The following ADAMTS17 variants were observed in gnomAD, a reference collection of about 807,000 sequenced individuals.
The protein encoded by ADAMTS17 is ADAM metallopeptidase with thrombospondin type 1 motif 17.
In ADAMTS17, 113 loss-of-function variants were observed where a neutral mutation model predicts 141.5. That is an observed-to-expected ratio of 0.80 (90% confidence interval 0.69 to 0.93). The LOEUF is 0.93. Ranked by LOEUF, ADAMTS17 falls within the 40% of genes least tolerant of loss-of-function variation. ADAMTS17 has a pLI of 0.00. For synonymous variants in ADAMTS17, 768 were observed against 630.6 expected (o/e 1.22, Z -3.27); for missense variants, 1,659 against 1,517.9 (o/e 1.09, Z -1.54).
intron 15 of ADAMTS17, among the ~76,000 whole-genome samples, chr15:100,095,718 C>T (rs992678340): frequency 6.6e-6 from 1 of 152,058 alleles, no homozygotes; most frequent in Admixed American, 6.5e-5. Flanking sequence ...GACAGGAGAT[C>T]AGAAAGTTGT....
intron 8 of ADAMTS17, among the ~76,000 whole-genome samples, chr15:100,191,180 T>C (rs2040903499): frequency 6.6e-6 from 1 of 152,212 alleles, no homozygotes; most frequent in African/African-American, 2.4e-5. Context: ...GATGACATTA[T>C]TTTAGGCAAG....
intron 8 of ADAMTS17, among the ~76,000 whole-genome samples, chr15:100,159,378 T>C (rs992225480): frequency 2.0e-5 from 3 of 152,260 alleles, no homozygotes; most frequent in Non-Finnish European, 2.9e-5. Flanking sequence ...TTCTACCTGG[T>C]AGCTTTTTCT....
At chr15:100,018,300 C>A (rs1485274144) in intron 18 of ADAMTS17, among the ~76,000 whole-genome samples, 2 of 151,906 alleles carry the variant, frequency 1.3e-5, no homozygotes, top group Admixed American at 1.3e-4. Context: ...ATTGCCTAAT[C>A]AGATAATGGG....
chr15:100,076,800 T>A (rs561602108), intron 15 of ADAMTS17, among the ~76,000 whole-genome samples: 1 of 152,214 alleles, frequency 6.6e-6, no homozygotes, highest in Non-Finnish European at 1.5e-5. Flanking sequence ...AAACATAGCA[T>A]AGTATTTTCA....
At chr15:100,241,517 C>T (rs1308799937) in intron 7 of ADAMTS17, among the ~76,000 whole-genome samples, 1 of 152,254 alleles carries the variant, frequency 6.6e-6, no homozygotes, top group Non-Finnish European at 1.5e-5. Context: ...CACTTTACTT[C>T]TCACTCATGT....
chr15:100,312,837 TG>T (rs143199920), intron 3 of ADAMTS17, among the ~76,000 whole-genome samples: 6,334 of 152,304 alleles, frequency 0.042, 198 homozygotes, highest in Non-Finnish European at 0.059. Context: ...CCAAAGGCCC[TG>T]TGACCTAGGG....
chr15:99,982,512 G>T (rs1394751829), intron 20 of ADAMTS17, among the ~76,000 whole-genome samples: 1 of 152,222 alleles, frequency 6.6e-6, no homozygotes, highest in Non-Finnish European at 1.5e-5. Context: ...GGCGCACGGG[G>T]TGAATTCCTT....
At chr15:100,082,470 C>A (rs1346798764) in intron 15 of ADAMTS17, among the ~76,000 whole-genome samples, 1 of 151,686 alleles carries the variant, frequency 6.6e-6, no homozygotes, top group Non-Finnish European at 1.5e-5. Flanking sequence ...AACCTCTGCA[C>A]CCCCACCCCA....
chr15:100,334,591 C>T (rs1428136392), intron 2 of ADAMTS17, among the ~76,000 whole-genome samples: 2 of 152,152 alleles, frequency 1.3e-5, no homozygotes, highest in Non-Finnish European at 2.9e-5. Context: ...CCCGTCCTGC[C>T]CCCCGACTCT....
chr15:100,109,035 G>A lies in ADAMTS17; in HGVS notation c.1970C>T (p.Pro657Leu), dbSNP rs1337982385. Residue 657 changes from proline (P) to leucine (L), a missense_variant, in exon 14 of 22, where the codon CCC (proline) becomes CTC (leucine). Pro to Leu is a moderately conservative substitution (Grantham distance 98). Coordinates refer to ENST00000268070, the MANE Select transcript of ADAMTS17 (RefSeq NM_139057.4). ...GAGATCAGTCTCGTAGGGCCCGCAGGGTGTACCGTCCAGGACCCTGTCGGC... is the reference window on the plus strand; with the variant it reads ...GAGATCAGTCTCGTAGGGCCCGCAGAGTGTACCGTCCAGGACCCTGTCGGC... The part of the protein sequence containing the change: ...LVADRVLDGT[P>L]CGPYETDLCV... 1.2e-6 allele frequency: 2 copies of A among 1,614,002 alleles called. No homozygotes were observed. Among genetic ancestry groups the A allele is most frequent in the East Asian group, 2.2e-5 (1 of 44,876 alleles).
chr15:100,010,404 T>C (rs1000622135), intron 18 of ADAMTS17, among the ~76,000 whole-genome samples: 19 of 152,182 alleles, frequency 1.2e-4, no homozygotes, highest in Admixed American at 1.1e-3. Flanking sequence ...CCCTTCCTTC[T>C]CTCCGTGGTG....
At chr15:100,238,769 C>T (rs898786969) in intron 7 of ADAMTS17, among the ~76,000 whole-genome samples, 5 of 152,220 alleles carry the variant, frequency 3.3e-5, no homozygotes, top group East Asian at 1.9e-4. Flanking sequence ...GGAATAATGA[C>T]GCCTCACTTA....
At chr15:100,004,134 G>C (rs2060985826) in intron 18 of ADAMTS17, among the ~76,000 whole-genome samples, 1 of 152,248 alleles carries the variant, frequency 6.6e-6, no homozygotes, top group Non-Finnish European at 1.5e-5. Context: ...GCAGCCGAAG[G>C]GGAGAGCAGA....
intron 15 of ADAMTS17, among the ~76,000 whole-genome samples, chr15:100,060,558 T>G (rs2033037316): frequency 6.6e-6 from 1 of 152,230 alleles, no homozygotes; most frequent in Non-Finnish European, 1.5e-5. Flanking sequence ...CCTGTCCACA[T>G]GCCCCTCTCT....
chr15:100,196,137 G>A (rs2041106551), intron 8 of ADAMTS17, among the ~76,000 whole-genome samples: 1 of 152,148 alleles, frequency 6.6e-6, no homozygotes, highest in Non-Finnish European at 1.5e-5. Context: ...CATTACCATG[G>A]CAAGAACTTT....
At chr15:100,051,974 A>G (rs775811327) in intron 16 of ADAMTS17, among the ~76,000 whole-genome samples, 8 of 152,198 alleles carry the variant, frequency 5.3e-5, no homozygotes, top group Non-Finnish European at 1.2e-4. Context: ...TTTCCTACCC[A>G]AGAGAGAGAC....
chr15:100,030,179 C>G (rs189879321), intron 18 of ADAMTS17, among the ~76,000 whole-genome samples: 6 of 152,170 alleles, frequency 3.9e-5, no homozygotes, highest in African/African-American at 1.4e-4. Flanking sequence ...GCTCTCTCCC[C>G]CTGGCCAGGG....
intron 7 of ADAMTS17, 27 bp downstream of exon 7, chr15:100,254,109 A>C (rs760269683): frequency 1.4e-5 from 22 of 1,606,910 alleles, no homozygotes; most frequent in Non-Finnish European, 1.8e-5. Context: ...TCAGCCCCTT[A>C]GATTATTATT....
Position 100,163,880 on chromosome 15 carries a change from C to T in ADAMTS17, c.1182-8560G>A, listed in dbSNP as rs896233575. Among the ~76,000 whole-genome samples, 4 of 152,188 alleles carry T rather than the reference C, an allele frequency of 2.6e-5. No homozygotes were observed. In the South Asian group the frequency reaches 8.3e-4, roughly 31 times the overall value. On this transcript the variant is annotated intron_variant, in intron 8 of 21. Coordinates refer to ENST00000268070, the MANE Select transcript of ADAMTS17 (RefSeq NM_139057.4). ...ACTACCACTTTGTCTGAGCATTTCACTTATTTTACCAGTGTGTCTTCACAG... is the reference window on the plus strand; with the variant it reads ...ACTACCACTTTGTCTGAGCATTTCATTTATTTTACCAGTGTGTCTTCACAG...
Sources: gnomAD v4.1 joint callset for allele counts (sites outside exome capture counted in the v4.1 genomes callset) on GRCh38, gnomAD v4.1.1 for gene constraint, MANE v1.5 for transcripts, NCBI Gene and HGNC (gene_info 2026-07-23, HGNC 2026-07-21) for gene names.